The following FHIT variants were observed in gnomAD, a reference collection of about 807,000 sequenced individuals.
FHIT encodes fragile histidine triad diadenosine triphosphatase.
FHIT carries 19 observed loss-of-function variants against 17.9 expected under a neutral mutation model. The observed-to-expected ratio is 1.06, with a 90% CI of 0.74 to 1.56. The LOEUF (loss-of-function observed/expected upper bound fraction) is 1.56. Ranked by LOEUF, FHIT falls within the 40% of genes most tolerant of loss-of-function variation. The pLI is 0.00. For synonymous variants in FHIT, 81 were observed against 69.7 expected (o/e 1.16, Z -0.81); for missense variants, 248 against 189.2 (o/e 1.31, Z -1.82).
At chr3:60,540,381 G>T (rs1319807731) in intron 4 of FHIT, among the ~76,000 whole-genome samples, 1 of 152,218 alleles carries the variant, frequency 6.6e-6, no homozygotes, top group Non-Finnish European at 1.5e-5. Flanking sequence ...TGGGGTCCCT[G>T]ATTTATAGTC....
chr3:60,762,330 G>C (rs1271652353), intron 4 of FHIT, among the ~76,000 whole-genome samples: 1 of 152,122 alleles, frequency 6.6e-6, no homozygotes, highest in African/African-American at 2.4e-5. Context: ...GATAGGCAGG[G>C]CTTCCAAAAA....
In FHIT at chr3:60,121,127, T is replaced by C. The variant is rs1274670830; in HGVS notation, c.104-106975A>G. Among the ~76,000 whole-genome samples, 3 of 152,248 alleles carry C rather than the reference T, an allele frequency of 2.0e-5. 1 individual carries two copies. Among genetic ancestry groups the C allele is most frequent in the Admixed American group, 1.3e-4 (2 of 15,298 alleles). ...CATGTCTTCATTCTACTAAACCATT[T>C]AAGAAGTGGGCAATTTAAACTACCC... On this transcript the variant is annotated intron_variant, in intron 5 of 9. Coordinates refer to ENST00000492590, the MANE Select transcript of FHIT (RefSeq NM_002012.4).
intron 2 of FHIT, among the ~76,000 whole-genome samples, chr3:61,078,509 T>C (rs2035037294): frequency 6.6e-6 from 1 of 152,196 alleles, no homozygotes; most frequent in African/African-American, 2.4e-5. Flanking sequence ...TCATTATTTC[T>C]ATTAAGCAAC....
rs138558035 is a variant in FHIT, at chr3:60,326,535, C to A, written c.103+210325G>T. 9.9e-5 allele frequency among the ~76,000 whole-genome samples: 15 copies of A among 152,280 alleles called. No individual in the cohort carries two copies. The East Asian group carries it at 2.9e-3, about 29-fold the overall frequency. Reference sequence around the variant, plus strand: ...AGACAGATGAAGCTTTGCTCAATTGCCCACTGCTCACTTGTTGCTGTGTGG... The same window carrying A: ...AGACAGATGAAGCTTTGCTCAATTGACCACTGCTCACTTGTTGCTGTGTGG... On this transcript the variant is annotated intron_variant, in intron 5 of 9. Coordinates refer to ENST00000492590, the MANE Select transcript of FHIT (RefSeq NM_002012.4).
At chr3:60,460,602 AT>A (rs2032401026) in intron 5 of FHIT, among the ~76,000 whole-genome samples, 1 of 152,206 alleles carries the variant, frequency 6.6e-6, no homozygotes, top group Non-Finnish European at 1.5e-5. Context: ...AAATAAATAC[AT>A]TCAATAAACA....
At chr3:60,740,524 A>G (rs1288533864) in intron 4 of FHIT, among the ~76,000 whole-genome samples, 1 of 152,232 alleles carries the variant, frequency 6.6e-6, no homozygotes, top group African/African-American at 2.4e-5. Flanking sequence ...TTTTATTATG[A>G]TCTTTTTTAT....
At chr3:59,923,681 A>T (rs1705520496) in intron 7 of FHIT, among the ~76,000 whole-genome samples, 1 of 152,190 alleles carries the variant, frequency 6.6e-6, no homozygotes, top group East Asian at 1.9e-4. Flanking sequence ...GCTTAAATAG[A>T]GAGAGGCAGA....
chr3:59,915,748 T>A (rs1352543730), intron 8 of FHIT, among the ~76,000 whole-genome samples: 1 of 152,124 alleles, frequency 6.6e-6, no homozygotes, highest in Non-Finnish European at 1.5e-5. Context: ...GAGACCAGCC[T>A]GGACAACATT....
intron 2 of FHIT, among the ~76,000 whole-genome samples, chr3:61,185,791 G>T (rs934549244): frequency 6.6e-6 from 1 of 152,188 alleles, no homozygotes; most frequent in Admixed American, 6.6e-5. Flanking sequence ...TCTCTGGGCT[G>T]TAGGATTATA....
chr3:60,480,568 T>C (rs1056275213), intron 5 of FHIT, among the ~76,000 whole-genome samples: 2 of 152,176 alleles, frequency 1.3e-5, no homozygotes, highest in African/African-American at 4.8e-5. Flanking sequence ...TATACAGGCA[T>C]TGGGTAAATG....
At chr3:60,896,932 T>C (rs782763493) in intron 3 of FHIT, among the ~76,000 whole-genome samples, 13 of 152,226 alleles carry the variant, frequency 8.5e-5, no homozygotes, top group Non-Finnish European at 1.6e-4. Context: ...TCCCACCCTG[T>C]AGATGACCAA....
At chr3:60,712,303 T>G (rs1245131838) in intron 4 of FHIT, among the ~76,000 whole-genome samples, 1 of 152,036 alleles carries the variant, frequency 6.6e-6, no homozygotes, top group Non-Finnish European at 1.5e-5. Context: ...GAACAACCGG[T>G]ACCAGCCGCT....
intron 4 of FHIT, among the ~76,000 whole-genome samples, chr3:60,775,106 A>T (rs1700175806): frequency 2.6e-5 from 4 of 152,292 alleles, no homozygotes; most frequent in South Asian, 4.2e-4. Context: ...TTAGTTTTTT[A>T]AAAAAACACA....
intron 5 of FHIT, among the ~76,000 whole-genome samples, chr3:60,075,197 T>C (rs529552317): frequency 1.1e-4 from 16 of 152,222 alleles, no homozygotes; most frequent in African/African-American, 3.6e-4. Context: ...ATCTTTAAAA[T>C]AGCAGACTGC....
chr3:61,052,860 A>T (rs1252688701), intron 2 of FHIT, among the ~76,000 whole-genome samples: 6 of 150,334 alleles, frequency 4.0e-5, no homozygotes, highest in Admixed American at 6.6e-5. Context: ...ATTTTTTTTT[A>T]AATGAAGATG....
At chr3:61,091,545 G>A (rs2035481632) in intron 2 of FHIT, among the ~76,000 whole-genome samples, 1 of 152,010 alleles carries the variant, frequency 6.6e-6, no homozygotes, top group South Asian at 2.1e-4. Flanking sequence ...GGTTCTTTGG[G>A]GTCAAGCAAC....
intron 8 of FHIT, among the ~76,000 whole-genome samples, chr3:59,865,382 G>A (rs763679742): frequency 6.6e-6 from 1 of 152,352 alleles, no homozygotes; most frequent in Non-Finnish European, 1.5e-5. Flanking sequence ...ATTCACTTTA[G>A]AGATGCTGCC....
At chr3:60,515,938 C>T (rs2035137184) in intron 5 of FHIT, among the ~76,000 whole-genome samples, 1 of 152,158 alleles carries the variant, frequency 6.6e-6, no homozygotes, top group African/African-American at 2.4e-5. Flanking sequence ...ATGAATACTG[C>T]CTCTGGGTAT....
intron 5 of FHIT, among the ~76,000 whole-genome samples, chr3:60,141,081 G>A (rs572196492): frequency 2.9e-4 from 44 of 152,276 alleles, no homozygotes; most frequent in African/African-American, 9.6e-4. Flanking sequence ...GCAGAAGAAT[G>A]AAACTCAGCT....
Sources: gnomAD v4.1 joint callset for allele counts (sites outside exome capture counted in the v4.1 genomes callset) on GRCh38, gnomAD v4.1.1 for gene constraint, MANE v1.5 for transcripts, NCBI Gene and HGNC (gene_info 2026-07-23, HGNC 2026-07-21) for gene names.